The following HNRNPM variants were observed in gnomAD, a reference collection of about 807,000 sequenced individuals.
The protein encoded by HNRNPM is heterogeneous nuclear ribonucleoprotein M.
Under a neutral mutation model 73.1 loss-of-function variants are expected in HNRNPM, and 11 were observed. The observed-to-expected ratio is 0.15, with a 90% CI of 0.09 to 0.25. The LOEUF is 0.25. Ranked by LOEUF, HNRNPM falls within the 10% of genes least tolerant of loss-of-function variation. The pLI is 1.00. For missense variants in HNRNPM, 789 were observed against 1,067.9 expected, an observed-to-expected ratio of 0.74 and a Z score of 3.64; for synonymous variants, 407 against 355.2, an observed-to-expected ratio of 1.15 and a Z score of -1.64.
chr19:8,486,305 A>G lies in HNRNPM; in HGVS notation c.1877A>G (p.Glu626Gly), dbSNP rs752559830. The change falls in exon 14 of 16, where the codon GAG (glutamate) becomes GGG (glycine). Residue 626 changes from glutamate (E) to glycine (G), a missense_variant. By Grantham distance (98) the Glu-to-Gly change is moderately conservative. This residue lies in a region of HNRNPM where 604 missense variants were observed against 744.0 expected (regional missense o/e 0.81). Coordinates refer to ENST00000325495, the MANE Select transcript of HNRNPM (RefSeq NM_005968.5). ...AGCTTTGACCGTGCCATCGAGATGG[A>G]GCGTGGCAACTTCGGAGGAAGCTTC... The part of the protein sequence containing the change: ...GASFDRAIEM[E>G]RGNFGGSFAG... 2 of 1,600,336 alleles carry G rather than the reference A, an allele frequency of 1.2e-6. No individual in the cohort carries two copies. The highest frequency in any genetic ancestry group is 1.7e-6 in the Non-Finnish European group (2 of 1,179,846).
At chr19:8,471,870 T>C (rs1136888) in intron 10 of HNRNPM, among the ~76,000 whole-genome samples, 86,405 of 151,946 alleles carry the variant, frequency 0.57, 26,753 homozygotes, top group Admixed American at 0.71. Flanking sequence ...GGGGCATTGA[T>C]AGATGCAAAA....
At chr19:8,455,874 C>T (rs145852842) in intron 2 of HNRNPM, among the ~76,000 whole-genome samples, 154 of 150,758 alleles carry the variant, frequency 1.0e-3, no homozygotes, top group African/African-American at 3.4e-3. Flanking sequence ...ATTAGGCTTC[C>T]GGGGAGCCTT....
In HNRNPM at chr19:8,485,491, A is replaced by G. The variant is rs1971210355; in HGVS notation, c.1175-112A>G. On this transcript the variant is annotated intron_variant, in intron 13 of 15. Coordinates refer to ENST00000325495, the MANE Select transcript of HNRNPM (RefSeq NM_005968.5). ...TTGAGGGGTGTCTTAATGGTAAATT[A>G]TGGTGGGCCTTTACCCCTGATCCAT... 3 of 1,060,314 alleles carry G rather than the reference A, an allele frequency of 2.8e-6. 1 individual carries two copies. The South Asian group carries it at 4.4e-5, about 15-fold the overall frequency. 65.7% of individuals were successfully genotyped at this position (1,060,314 alleles called of 1,614,324 possible).
rs536511664 is a variant in HNRNPM, at chr19:8,454,394, C to T, written c.114-1011C>T. Among the ~76,000 whole-genome samples the T allele has an allele frequency of 3.3e-5, 5 of 152,276 alleles. No individual in the cohort carries two copies. The South Asian group carries it at 1.0e-3, about 32-fold the overall frequency. ...CCCTCAAGGTTCATGCATGTTGTAGCCTTTGTCAGGATTTCCTTCCTTTTT... is the reference window on the plus strand; with the variant it reads ...CCCTCAAGGTTCATGCATGTTGTAGTCTTTGTCAGGATTTCCTTCCTTTTT... On this transcript the variant is annotated intron_variant, in intron 1 of 15. Transcript: ENST00000325495.
chr19:8,461,331 T>A (rs1024199440), intron 2 of HNRNPM, among the ~76,000 whole-genome samples: 1 of 152,232 alleles, frequency 6.6e-6, no homozygotes, highest in Non-Finnish European at 1.5e-5. Flanking sequence ...ATAATTTTAA[T>A]GTCCTTTAAA....
chr19:8,484,333 T>C (rs6603084), intron 13 of HNRNPM, among the ~76,000 whole-genome samples: 132,620 of 152,160 alleles, frequency 0.87, 59,937 homozygotes, highest in South Asian at 0.99. Flanking sequence ...CACGCCACCA[T>C]ACCCAGCTAA....
intron 5 of HNRNPM, chr19:8,463,948 C>T: frequency 2.4e-6 from 1 of 414,426 alleles, no homozygotes; most frequent in Non-Finnish European, 4.4e-6. Context: ...CTCAGGGACT[C>T]TCAAACCATG....
rs1568303847 is a variant in HNRNPM at position 8,485,952 on chromosome 19, T to G, written c.1524T>G (p.Ile508Met). The part of the protein sequence containing the change: ...AAPIDRVGQT[I>M]ERMGSGVERM... ...CCATCGACCGTGTGGGCCAGACCAT[T>G]GAGCGCATGGGCTCTGGCGTGGAGC... Residue 508 changes from isoleucine to methionine, a missense_variant, in exon 14 of 16, where the codon ATT (isoleucine) becomes ATG (methionine). Coordinates refer to ENST00000325495, the MANE Select transcript of HNRNPM (RefSeq NM_005968.5). 2.5e-6 allele frequency: 4 copies of G among 1,602,202 alleles called. No individual in the cohort carries two copies.
rs758677591 is a variant in HNRNPM at position 8,462,623 on chromosome 19, A to G, written c.336+42A>G. The G allele has an allele frequency of 4.0e-6, 6 of 1,491,350 alleles. No homozygotes were observed. The highest frequency in any genetic ancestry group is 3.3e-5 in the Admixed American group (2 of 59,848). The allele number at this position is 1,491,350 out of a possible 1,614,324, so 92.4% of individuals were successfully genotyped here. A position where few individuals can be genotyped will look rare whatever the true frequency, so the allele number is the denominator to read the frequency against. ...ATTTCTTCTGTGGATTTACTACATG[A>G]AAAATGTAACTGTATGGTGGCGTGG... On this transcript the variant is annotated intron_variant, in intron 3 of 15. Coordinates refer to ENST00000325495, the MANE Select transcript of HNRNPM (RefSeq NM_005968.5). The surrounding 1 kb of genome is among the most constrained non-coding windows in gnomAD (Gnocchi z 4.5).
intron 1 of HNRNPM, among the ~76,000 whole-genome samples, chr19:8,454,673 GCCC>G (rs58635160): frequency 6.8e-5 from 7 of 103,008 alleles, no homozygotes; most frequent in African/African-American, 2.5e-4. Flanking sequence ...ATCATTTTAT[GCCC>G]CCCCCCCCTT....
At chr19:8,469,373 T>C (rs1220093218) in intron 9 of HNRNPM, among the ~76,000 whole-genome samples, 1 of 152,234 alleles carries the variant, frequency 6.6e-6, no homozygotes, top group Non-Finnish European at 1.5e-5. Flanking sequence ...GGACTGCTAA[T>C]AAGGTTGGAT....
At chr19:8,456,355 C>T (rs1256313924) in intron 2 of HNRNPM, among the ~76,000 whole-genome samples, 1 of 152,206 alleles carries the variant, frequency 6.6e-6, no homozygotes, top group African/African-American at 2.4e-5. Flanking sequence ...TATCGTCTTC[C>T]TTTCTTTCCT....
chr19:8,445,085 C>T lies in HNRNPM; in HGVS notation c.87C>T (p.Ser29=). The change falls in exon 1 of 16, where the codon AGC becomes AGT. Residue 29 remains serine, a synonymous_variant. Coordinates refer to ENST00000325495, the MANE Select transcript of HNRNPM (RefSeq NM_005968.5). ...AGAGCGGCGCGCCCGGCGTGCCGAG[C>T]GGCAACGGGGCTCCGGGCCCTAAGG... ...EEESGAPGVP[S]GNGAPGPKGE... is the part of the protein sequence containing the mutation. 32 of 1,421,194 alleles carry T rather than the reference C, an allele frequency of 2.3e-5. No individual in the cohort carries two copies. Among genetic ancestry groups the T allele is most frequent in the East Asian group, 2.9e-5 (1 of 34,558 alleles). 88.0% of individuals were successfully genotyped at this position (1,421,194 alleles called of 1,614,324 possible).
intron 15 of HNRNPM, chr19:8,487,738 C>T (rs936679645): frequency 3.3e-5 from 5 of 152,636 alleles, no homozygotes; most frequent in African/African-American, 1.2e-4. Flanking sequence ...TCAGCAGTGG[C>T]TCCGATTTCA....
chr19:8,450,134 A>G (rs1257525346), intron 1 of HNRNPM, among the ~76,000 whole-genome samples: 4 of 152,210 alleles, frequency 2.6e-5, no homozygotes, highest in South Asian at 2.1e-4. Context: ...CACACCTTAC[A>G]TGCATTAGAG....
chr19:8,475,770 T>C (rs1292735589), intron 12 of HNRNPM, among the ~76,000 whole-genome samples: 1 of 152,236 alleles, frequency 6.6e-6, no homozygotes, highest in Non-Finnish European at 1.5e-5. Context: ...GGTAAAATGT[T>C]ACTCAGAGCA....
rs1969846805 is a variant in HNRNPM, at chr19:8,467,658, T to C, written c.834+74T>C. On this transcript the variant is annotated intron_variant, in intron 8 of 15. Coordinates refer to ENST00000325495, the MANE Select transcript of HNRNPM (RefSeq NM_005968.5). ...CATGGAATTAATAAGAGTGTACATATAGCCACTATGAAATATTTGTGGATT... is the reference window on the plus strand; with the variant it reads ...CATGGAATTAATAAGAGTGTACATACAGCCACTATGAAATATTTGTGGATT... 3 of 1,031,860 alleles carry C rather than the reference T, an allele frequency of 2.9e-6. 1 individual carries two copies. The highest frequency in any genetic ancestry group is 3.5e-5 in the Admixed American group (2 of 57,666). 63.9% of individuals were successfully genotyped at this position (1,031,860 alleles called of 1,614,324 possible).
At chr19:8,469,152 AG>A (rs1969961672) in intron 9 of HNRNPM, among the ~76,000 whole-genome samples, 1 of 152,226 alleles carries the variant, frequency 6.6e-6, no homozygotes, top group Non-Finnish European at 1.5e-5. Context: ...CTAATTCAGA[AG>A]ATACTGGTTA....
chr19:8,466,565 C>T (rs904661759), intron 7 of HNRNPM, among the ~76,000 whole-genome samples, 177 bp downstream of exon 7: 3 of 152,042 alleles, frequency 2.0e-5, no homozygotes, highest in African/African-American at 7.2e-5. Flanking sequence ...CGGTGGCTCA[C>T]GCCTGTAATC....
Sources: gnomAD v4.1 joint callset for allele counts (sites outside exome capture counted in the v4.1 genomes callset) on GRCh38, gnomAD v4.1.1 for gene constraint, gnomAD v4.1.1 regional missense constraint, Gnocchi (gnomAD v3.1) non-coding constraint, MANE v1.5 for transcripts, NCBI Gene and HGNC (gene_info 2026-07-23, HGNC 2026-07-21) for gene names.